The following FBXO4 variants were observed in gnomAD, a reference collection of about 807,000 sequenced individuals.
FBXO4 encodes the protein F-box protein 4, also known as F-box only protein 4.
Under a neutral mutation model 43.7 loss-of-function variants are expected in FBXO4, and 36 were observed. The ratio of observed to expected loss-of-function variants is 0.82; its 90% CI spans 0.63 to 1.09. FBXO4 has a LOEUF of 1.09. Among genes scored for constraint, FBXO4 ranks in the 50% least tolerant of loss-of-function variants. FBXO4 has a pLI of 0.00. For synonymous variants in FBXO4, 180 were observed against 165.6 expected, an observed-to-expected ratio of 1.09 and a Z score of -0.67; for missense variants, 435 against 474.1, an observed-to-expected ratio of 0.92 and a Z score of 0.77.
At chr5:42,011,098 G>A in the FBXO4 span, among the ~76,000 whole-genome samples, 2 of 151,988 alleles carry the variant, frequency 1.3e-5, no homozygotes, top group African/African-American at 4.8e-5. Flanking sequence ...ATCCTGATGG[G>A]TATGAATACA....
the FBXO4 span, among the ~76,000 whole-genome samples, chr5:42,034,125 C>CTT: frequency 6.6e-5 from 10 of 150,886 alleles, no homozygotes; most frequent in Admixed American, 4.0e-4. Context: ...TGATGTTAAG[C>CTT]TTTTTTTTTC....
In FBXO4 at chr5:41,925,637, T is replaced by C. The variant is rs921806703; in HGVS notation, c.189+139T>C. 1.1e-5 allele frequency: 6 copies of C among 561,168 alleles called. No individual in the cohort carries two copies. In the African/African-American group the frequency reaches 1.2e-4, roughly 11 times the overall value. The allele number at this position is 561,168 out of a possible 1,614,324, so 34.8% of individuals were successfully genotyped here. ...CCGTCCATGCAGCCATTCCTGGCAG[T>C]GTAGTCACCGAGAAGCTACAGTTGA... On this transcript the variant is annotated intron_variant, in intron 1 of 6. Transcript: ENST00000281623.
chr5:41,951,051 G>C, the FBXO4 span, among the ~76,000 whole-genome samples: 2 of 152,040 alleles, frequency 1.3e-5, no homozygotes, highest in Non-Finnish European at 2.9e-5. Flanking sequence ...ATCACACACC[G>C]GGGCCTGTTG....
chr5:41,953,206 CT>C, the FBXO4 span, among the ~76,000 whole-genome samples: 1 of 147,928 alleles, frequency 6.8e-6, no homozygotes, highest in African/African-American at 2.5e-5. Flanking sequence ...TCCATGTGTT[CT>C]CATTGTTCAG....
At chr5:41,928,256 G>C (rs2112568536) in intron 2 of FBXO4, among the ~76,000 whole-genome samples, 1 of 152,054 alleles carries the variant, frequency 6.6e-6, no homozygotes, top group Admixed American at 6.5e-5. Flanking sequence ...TTTTGCCCAG[G>C]GAATAGTAAT....
At chr5:41,977,473 C>T in the FBXO4 span, among the ~76,000 whole-genome samples, 1 of 152,232 alleles carries the variant, frequency 6.6e-6, no homozygotes, top group Non-Finnish European at 1.5e-5. Flanking sequence ...TTAAAAATTT[C>T]TTCTGCCAGT....
chr5:41,982,632 T>C, the FBXO4 span, among the ~76,000 whole-genome samples: 1 of 152,152 alleles, frequency 6.6e-6, no homozygotes, highest in African/African-American at 2.4e-5. Context: ...TCTATCTGTA[T>C]TGTTGATGCC....
the FBXO4 span, among the ~76,000 whole-genome samples, chr5:41,989,963 C>G: frequency 6.6e-6 from 1 of 152,140 alleles, no homozygotes; most frequent in Non-Finnish European, 1.5e-5. Context: ...CTGGTGGATG[C>G]ATATTGATTT....
the FBXO4 span, among the ~76,000 whole-genome samples, chr5:41,963,029 A>AT: frequency 2.0e-5 from 3 of 151,990 alleles, no homozygotes; most frequent in Non-Finnish European, 2.9e-5. Flanking sequence ...ACTCTGATAA[A>AT]TTTTTTTCAA....
At chr5:41,956,602 C>A in the FBXO4 span, among the ~76,000 whole-genome samples, 3 of 151,714 alleles carry the variant, frequency 2.0e-5, no homozygotes, top group Admixed American at 2.0e-4. Flanking sequence ...AACAGTTTTT[C>A]CCCCAGCAAT....
At chr5:41,993,618 G>GAT in the FBXO4 span, among the ~76,000 whole-genome samples, 9,472 of 136,508 alleles carry the variant, frequency 0.069, 630 homozygotes, top group East Asian at 0.38. Flanking sequence ...GAACTAATAG[G>GAT]ATATATATAT....
At chr5:41,955,563 A>G in the FBXO4 span, among the ~76,000 whole-genome samples, 1 of 152,230 alleles carries the variant, frequency 6.6e-6, no homozygotes. Flanking sequence ...TAAAACACAG[A>G]CAAAGCCTGG....
chr5:42,030,315 C>T, the FBXO4 span, among the ~76,000 whole-genome samples: 2 of 152,110 alleles, frequency 1.3e-5, no homozygotes, highest in East Asian at 1.9e-4. Context: ...TGTCTACAAC[C>T]ATCTGATCTT....
chr5:41,979,490 T>A, the FBXO4 span, among the ~76,000 whole-genome samples: 3 of 152,248 alleles, frequency 2.0e-5, no homozygotes, highest in African/African-American at 7.2e-5. Context: ...TGTTTAACAA[T>A]CACCTCTCAG....
At chr5:41,930,216 G>T in intron 3 of FBXO4, 1 of 262,832 alleles carries the variant, frequency 3.8e-6, no homozygotes, top group Non-Finnish European at 7.1e-6. Flanking sequence ...GTTTGAAAAA[G>T]CAGAAAAAAT....
the FBXO4 span, among the ~76,000 whole-genome samples, chr5:41,955,722 A>G: frequency 1.3e-5 from 2 of 152,174 alleles, no homozygotes; most frequent in Non-Finnish European, 2.9e-5. Flanking sequence ...TCTCCCTTGC[A>G]TTTTCAGCTG....
At chr5:42,008,529 C>T in the FBXO4 span, among the ~76,000 whole-genome samples, 2 of 152,136 alleles carry the variant, frequency 1.3e-5, no homozygotes, top group African/African-American at 2.4e-5. Context: ...ACCCCTGCTC[C>T]TCTGTGCCCT....
the FBXO4 span, among the ~76,000 whole-genome samples, chr5:42,027,853 T>G: frequency 2.0e-5 from 3 of 151,934 alleles, no homozygotes; most frequent in African/African-American, 7.2e-5. Context: ...AAGTTCCTCT[T>G]GTTATTGACG....
the FBXO4 span, among the ~76,000 whole-genome samples, chr5:42,031,481 G>C: frequency 8.7e-6 from 1 of 115,572 alleles, no homozygotes; most frequent in African/African-American, 3.2e-5. Flanking sequence ...AGGGGGGAGG[G>C]ATAGCATTAG....
Sources: gnomAD v4.1 joint callset for allele counts (sites outside exome capture counted in the v4.1 genomes callset) on GRCh38, gnomAD v4.1.1 for gene constraint, MANE v1.5 for transcripts, NCBI Gene and HGNC (gene_info 2026-07-23, HGNC 2026-07-21) for gene names.